CSMD1: variants seen among roughly 807,000 people sequenced by gnomAD.
CSMD1 encodes the protein CUB and Sushi multiple domains 1, also known as CUB and sushi domain-containing protein 1.
A neutral mutation model predicts 417.5 loss-of-function variants in CSMD1; 213 were observed. That is an observed-to-expected ratio of 0.51 (90% CI 0.46 to 0.57). The LOEUF is 0.57. Among genes scored for constraint, CSMD1 ranks in the 20% least tolerant of loss-of-function variants. The probability of loss-of-function intolerance (pLI) is 0.00; values close to 1 mark genes in which losing one functional copy is unlikely to be tolerated. For synonymous variants in CSMD1, 2,862 were observed against 1,736.8 expected (o/e 1.65, Z -16.11); for missense variants, 6,923 against 4,529.7 (o/e 1.53, Z -15.17).
At chr8:3,694,909 G>A (rs749420339) in intron 7 of CSMD1, among the ~76,000 whole-genome samples, 9 of 152,078 alleles carry the variant, frequency 5.9e-5, no homozygotes, top group East Asian at 1.9e-4. Context: ...AGGGGAAATC[G>A]CACATCATTA....
At chr8:3,154,536 T>C (rs1819399197) in intron 39 of CSMD1, among the ~76,000 whole-genome samples, 1 of 152,154 alleles carries the variant, frequency 6.6e-6, no homozygotes, top group African/African-American at 2.4e-5. Flanking sequence ...GTGTGAATTC[T>C]TGGTTTTGGC....
Position 4,494,264 on chromosome 8 carries a change from T to C in CSMD1, c.303-74199A>G, listed in dbSNP as rs796445331. 3.6e-4 allele frequency among the ~76,000 whole-genome samples: 55 copies of C among 152,352 alleles called. 1 individual carries two copies. In the Middle Eastern group the frequency reaches 0.01, roughly 28 times the overall value. On this transcript the variant is annotated intron_variant, in intron 2 of 69. Coordinates refer to ENST00000635120, the MANE Select transcript of CSMD1 (RefSeq NM_033225.6). ...ACTGAACAAACGTAAAGGAAGAATGTCATTTACTTTCTTCTTATAACTTTC... is the reference window on the plus strand; with the variant it reads ...ACTGAACAAACGTAAAGGAAGAATGCCATTTACTTTCTTCTTATAACTTTC...
intron 3 of CSMD1, among the ~76,000 whole-genome samples, chr8:4,335,028 A>C (rs1800089101): frequency 6.6e-6 from 1 of 152,046 alleles, no homozygotes; most frequent in African/African-American, 2.4e-5. Flanking sequence ...TAGCCTCCTT[A>C]GTAGCTGGGA....
chr8:4,787,974 C>G, intron 1 of CSMD1: 1 of 1,594,466 alleles, frequency 6.3e-7, no homozygotes, highest in South Asian at 1.1e-5. Flanking sequence ...ATCAGGAGAT[C>G]GAAGCCAACA....
intron 1 of CSMD1, among the ~76,000 whole-genome samples, chr8:4,880,252 C>G (rs992708586): frequency 5.9e-5 from 9 of 151,920 alleles, no homozygotes; most frequent in Non-Finnish European, 1.2e-4. Flanking sequence ...GACCTGTTCC[C>G]CAAAGGATGG....
intron 12 of CSMD1, among the ~76,000 whole-genome samples, chr8:3,414,518 C>A (rs1044276446): frequency 6.6e-6 from 1 of 152,140 alleles, no homozygotes. Context: ...GGGGTCCTCT[C>A]ATCGCTCCCC....
At chr8:4,063,048 T>C (rs1799061645) in intron 3 of CSMD1, among the ~76,000 whole-genome samples, 1 of 152,178 alleles carries the variant, frequency 6.6e-6, no homozygotes, top group African/African-American at 2.4e-5. Context: ...CGTTGGCTAA[T>C]AGGGATAAAT....
intron 25 of CSMD1, among the ~76,000 whole-genome samples, chr8:3,306,530 T>A (rs2194356): frequency 6.6e-6 from 1 of 152,196 alleles, no homozygotes; most frequent in East Asian, 1.9e-4. Context: ...GCAGCTGGGC[T>A]GATTCATTTA....
chr8:3,458,474 A>C (rs1816294921), intron 12 of CSMD1, among the ~76,000 whole-genome samples: 1 of 152,176 alleles, frequency 6.6e-6, no homozygotes, highest in South Asian at 2.1e-4. Context: ...ATCTTCATAC[A>C]AACTCTCCAA....
intron 55 of CSMD1, among the ~76,000 whole-genome samples, chr8:2,977,726 T>A (rs1253208234): frequency 2.0e-5 from 3 of 151,994 alleles, no homozygotes; most frequent in Non-Finnish European, 2.9e-5. Context: ...CTTAAACAAA[T>A]TTACAAGAAA....
At chr8:3,354,719 C>T (rs1467978277) in intron 21 of CSMD1, among the ~76,000 whole-genome samples, 5 of 151,444 alleles carry the variant, frequency 3.3e-5, no homozygotes, top group South Asian at 2.1e-4. Context: ...TAGCTTAGAA[C>T]GTTGTTTCAA....
chr8:3,005,452 G>T (rs575393456), intron 52 of CSMD1, among the ~76,000 whole-genome samples: 101 of 152,166 alleles, frequency 6.6e-4, no homozygotes, highest in South Asian at 1.0e-3. Flanking sequence ...TACCAAAGCT[G>T]GGCAGAAACA....
intron 1 of CSMD1, among the ~76,000 whole-genome samples, chr8:4,750,007 AATT>A (rs1192100793): frequency 8.6e-5 from 13 of 151,778 alleles, no homozygotes; most frequent in African/African-American, 3.1e-4. Flanking sequence ...AAAAAATAAT[AATT>A]ATTATTATTT....
intron 3 of CSMD1, among the ~76,000 whole-genome samples, chr8:4,386,762 G>C (rs896307100): frequency 6.6e-6 from 1 of 152,166 alleles, no homozygotes; most frequent in African/African-American, 2.4e-5. Flanking sequence ...ATTAGGGGTA[G>C]AAACAGTTGG....
chr8:3,585,560 G>A (rs780197396), intron 9 of CSMD1, among the ~76,000 whole-genome samples: 6 of 152,006 alleles, frequency 3.9e-5, no homozygotes, highest in East Asian at 3.9e-4. Flanking sequence ...ATACTTCATA[G>A]CAGTAAAAAA....
chr8:4,074,693 A>G (rs1489720354), intron 3 of CSMD1, among the ~76,000 whole-genome samples: 1 of 152,132 alleles, frequency 6.6e-6, no homozygotes, highest in Admixed American at 6.6e-5. Flanking sequence ...TTTTGTATAA[A>G]GATGACATTG....
chr8:3,662,968 C>A (rs1324163734), intron 7 of CSMD1, among the ~76,000 whole-genome samples: 1 of 152,034 alleles, frequency 6.6e-6, no homozygotes, highest in African/African-American at 2.4e-5. Flanking sequence ...AACAAACCTG[C>A]AGGTTCTGCA....
intron 10 of CSMD1, among the ~76,000 whole-genome samples, chr8:3,501,606 C>A (rs921277677): frequency 3.9e-5 from 6 of 152,128 alleles, no homozygotes; most frequent in African/African-American, 1.4e-4. Flanking sequence ...GGAAGGAACA[C>A]TGGAAAACTG....
intron 1 of CSMD1, among the ~76,000 whole-genome samples, chr8:4,659,262 A>G (rs1205828532): frequency 1.2e-5 from 1 of 83,656 alleles, no homozygotes; most frequent in Admixed American, 1.3e-4. Flanking sequence ...ACATTAAAAA[A>G]GAAGAAAAGA....
Sources: gnomAD v4.1 joint callset for allele counts (sites outside exome capture counted in the v4.1 genomes callset) on GRCh38, gnomAD v4.1.1 for gene constraint, MANE v1.5 for transcripts, NCBI Gene and HGNC (gene_info 2026-07-23, HGNC 2026-07-21) for gene names.